Variants in ZNF568 observed in about 807,000 individuals in gnomAD.
The protein encoded by ZNF568 is zinc finger protein 568, also known as p53 inhibitor of SCO2 activation.
ZNF568 carries 11 observed loss-of-function variants against 18.1 expected under a neutral mutation model. The observed-to-expected ratio is 0.61, with a 90% CI of 0.38 to 1.00. The LOEUF is 1.00. ZNF568 is among the 50% of genes least tolerant of loss of function. The pLI is 0.01. For synonymous variants in ZNF568, 213 were observed against 246.6 expected (o/e 0.86, Z 1.28); for missense variants, 639 against 768.2 (o/e 0.83, Z 1.99).
At chr19:36,973,446 G>C (rs1667334) in intron 6 of ZNF568, 3,691 of 153,804 alleles carry the variant, frequency 0.024, 163 homozygotes, top group African/African-American at 0.083. Context: ...AGAGAGTGTC[G>C]GGGCGGTGCA....
chr19:36,933,302 GT>G (rs2073719876), intron 4 of ZNF568, among the ~76,000 whole-genome samples: 1 of 152,018 alleles, frequency 6.6e-6, no homozygotes, highest in Non-Finnish European at 1.5e-5. Flanking sequence ...CCCTGGTGAA[GT>G]TTTTTATCAC....
downstream of ZNF568, among the ~76,000 whole-genome samples, chr19:36,984,101 G>A (rs982877603): frequency 4.0e-5 from 6 of 151,798 alleles, no homozygotes; most frequent in Admixed American, 2.0e-4. Flanking sequence ...GGGTTTCACC[G>A]TGTTAGCCAG....
downstream of ZNF568, among the ~76,000 whole-genome samples, chr19:36,955,384 C>T (rs2074100332): frequency 6.6e-6 from 1 of 150,970 alleles, no homozygotes; most frequent in Non-Finnish European, 1.5e-5. Context: ...CCTTAGATTT[C>T]TCTTTTGGCC....
Position 36,934,322 on chromosome 19 carries a change from T to TTA in ZNF568, c.136-2424_136-2423insTA, listed in dbSNP as rs1313602587. On this transcript the variant is annotated intron_variant, in intron 4 of 6. Coordinates refer to ENST00000333987, the MANE Select transcript of ZNF568 (RefSeq NM_198539.4). ...CTAGTATCTTTTTTTTTTTTTTTTTTAATTGAGGCAGAGTCTCACTCTGTC... is the reference window on the plus strand; with the variant it reads ...CTAGTATCTTTTTTTTTTTTTTTTTTTAAATTGAGGCAGAGTCTCACTCTGTC... Among the ~76,000 whole-genome samples the TTA allele has an allele frequency of 8.6e-3, 1,154 of 133,496 alleles. 16 individuals carry two copies. Among genetic ancestry groups the TTA allele is most frequent in the African/African-American group, 0.032 (1,106 of 34,906 alleles). 87.6% of individuals were successfully genotyped at this position (133,496 alleles called of 152,430 possible). A position where few individuals can be genotyped will look rare whatever the true frequency, so the allele number is the denominator to read the frequency against.
rs2074063627 is a variant in ZNF568, at chr19:36,951,777, T to C, written c.*689T>C. 3 of 216,322 alleles carry C rather than the reference T, an allele frequency of 1.4e-5. No individual in the cohort carries two copies. Among genetic ancestry groups the C allele is most frequent in the Non-Finnish European group, 7.8e-6 (1 of 127,638 alleles). 13.4% of individuals were successfully genotyped at this position (216,322 alleles called of 1,614,324 possible). The stretch of plus-strand genomic sequence containing the variant: ...TGCAGCCTCTGCTTTCCGGGTTTTT[T>C]TGTTTTGTTTTGTTTTGTTTTTTGT... On this transcript the variant is annotated 3_prime_UTR_variant, in exon 7 of 7. Coordinates refer to ENST00000333987, the MANE Select transcript of ZNF568 (RefSeq NM_198539.4).
At chr19:36,929,079 T>C (rs551533162) in intron 4 of ZNF568, among the ~76,000 whole-genome samples, 1 of 152,048 alleles carries the variant, frequency 6.6e-6, no homozygotes, top group Non-Finnish European at 1.5e-5. Flanking sequence ...ATGCTCTAAG[T>C]TTTTAAAAGA....
chr19:36,986,002 G>T (rs1295616914), intron 2 of ZNF568, among the ~76,000 whole-genome samples: 2 of 152,126 alleles, frequency 1.3e-5, no homozygotes, highest in African/African-American at 4.8e-5. Context: ...CTGATTGAAG[G>T]TTGTTCCTCT....
chr19:36,965,184 C>A (rs1261272579), intron 6 of ZNF568, among the ~76,000 whole-genome samples: 1 of 152,096 alleles, frequency 6.6e-6, no homozygotes, highest in Non-Finnish European at 1.5e-5. Flanking sequence ...AGAGGTGGAA[C>A]CTTTACAAGG....
intron 3 of ZNF568, chr19:36,991,383 A>T: frequency 7.1e-7 from 1 of 1,417,602 alleles, no homozygotes; most frequent in East Asian, 2.5e-5. Context: ...CTTTTTTCTG[A>T]GTTTGTCCCA....
At chr19:36,936,635 C>T (rs2073794789) in intron 4 of ZNF568, 111 bp from the exon 5 acceptor site, 3 of 997,380 alleles carry the variant, frequency 3.0e-6, no homozygotes, top group Non-Finnish European at 2.9e-6. Flanking sequence ...TCTTCTTCTT[C>T]TAGTACTCCT....
intron 6 of ZNF568, among the ~76,000 whole-genome samples, chr19:36,963,718 C>T (rs549317383): frequency 2.0e-5 from 3 of 152,214 alleles, no homozygotes; most frequent in African/African-American, 7.2e-5. Context: ...GCTGTAATCC[C>T]AGCACTTTGG....
Position 36,961,880 on chromosome 19 carries a change from GT to G in ZNF568, c.359-12525del, listed in dbSNP as rs11403152. On this transcript the variant is annotated intron_variant, in intron 6 of 7. Coordinates refer to the ZNF568 transcript ENST00000427117. ...TATCATATTGTTAATTGGTTAGGGT[GT>G]TTTTTTTTTTTTTTGAGACTTCTGG... 7.3e-3 allele frequency among the ~76,000 whole-genome samples: 984 copies of G among 135,026 alleles called. 26 individuals are homozygous for G. The highest frequency in any genetic ancestry group is 0.053 in the East Asian group (249 of 4,716). 88.6% of individuals were successfully genotyped at this position (135,026 alleles called of 152,430 possible).
At chr19:36,977,242 T>G (rs1271244262) in intron 7 of ZNF568, among the ~76,000 whole-genome samples, 1 of 152,214 alleles carries the variant, frequency 6.6e-6, no homozygotes, top group Non-Finnish European at 1.5e-5. Flanking sequence ...TTTCTGTCTT[T>G]TATCCAAACA....
intron 2 of ZNF568, among the ~76,000 whole-genome samples, chr19:36,920,760 C>T (rs1177708746): frequency 2.0e-5 from 3 of 150,420 alleles, no homozygotes; most frequent in Non-Finnish European, 4.4e-5. Flanking sequence ...CAGTAGTGTA[C>T]AGTAGTGTCC....
chr19:36,950,370 T>C lies in ZNF568; in HGVS notation c.1217T>C (p.Ile406Thr), dbSNP rs1176368046. 1.9e-6 allele frequency: 3 copies of C among 1,613,870 alleles called. No homozygotes were observed. The Admixed American group carries it at 5.0e-5, about 27-fold the overall frequency. ...GCTTTCTCTCAATGCTCAGTATTTA[T>C]TATACATATGAGAAGTCACACTGGT... ...GKAFSQCSVF[I>T]IHMRSHTGEK... The change falls in exon 7 of 7, where the codon ATT (isoleucine) becomes ACT (threonine). Residue 406 changes from isoleucine (I) to threonine (T), a missense_variant. By Grantham distance (89) the Ile-to-Thr change is moderately conservative. Transcript: ENST00000333987.
In ZNF568 at chr19:36,926,071, C is replaced by T. The variant is rs1199852190; in HGVS notation, c.135+813C>T. Among the ~76,000 whole-genome samples, 7 of 152,266 alleles carry T rather than the reference C, an allele frequency of 4.6e-5. 1 individual carries two copies. In the South Asian group the frequency reaches 1.0e-3, roughly 23 times the overall value. ...AACACATATCTTTCAAATGATCCTA[C>T]GTATATATTTTCTTCAATTGAGTTT... is the stretch of plus-strand genomic sequence containing the variant. On this transcript the variant is annotated intron_variant, in intron 4 of 6. Transcript: ENST00000333987.
exon 5 of ZNF568, chr19:36,996,638 G>A (rs1157697968): frequency 4.8e-5 from 74 of 1,535,234 alleles, no homozygotes; most frequent in Non-Finnish European, 6.5e-5. Context: ...CCTGAATGTG[G>A]AGAATGTAGG....
exon 8 of ZNF568, chr19:36,979,224 C>A (rs906130768): frequency 2.7e-5 from 5 of 185,682 alleles, no homozygotes; most frequent in East Asian, 3.6e-4. Context: ...CTCAGGTGAT[C>A]CGCCTGCCTT....
In ZNF568 at chr19:36,936,844, G is replaced by A. The variant is rs751960516; in HGVS notation, c.234G>A (p.Leu78=). Residue 78 remains leucine (L), a synonymous_variant, in exon 5 of 7, where the codon CTG becomes CTA. Coordinates refer to ENST00000333987, the MANE Select transcript of ZNF568 (RefSeq NM_198539.4). ...GAAACTTGTATCGAGATGTGATGCT[G>A]GAGAACTACAGCAACCTAGTCACAG... ...AQRNLYRDVM[L]ENYSNLVTVG... 1.2e-6 allele frequency: 2 copies of A among 1,613,832 alleles called. No individual in the cohort carries two copies. The highest frequency in any genetic ancestry group is 4.5e-5 in the East Asian group (2 of 44,878).
Sources: allele counts gnomAD v4.1 joint callset (sites outside exome capture counted in the v4.1 genomes callset), GRCh38; gene constraint gnomAD v4.1.1; transcripts MANE v1.5; gene names NCBI Gene and HGNC (gene_info 2026-07-23, HGNC 2026-07-21).